The following PKNOX2 variants were observed in gnomAD, a reference collection of about 807,000 sequenced individuals.
The protein encoded by PKNOX2 is PBX/knotted 1 homeobox 2, also known as homeobox protein PKNOX2.
In PKNOX2, 14 loss-of-function variants were observed where a neutral mutation model predicts 53.1. The ratio of observed to expected loss-of-function variants is 0.26; its 90% CI spans 0.17 to 0.41. The LOEUF (loss-of-function observed/expected upper bound fraction) is 0.41. PKNOX2 is among the 10% of genes least tolerant of loss of function. PKNOX2 has a pLI of 1.00. For missense variants in PKNOX2, 496 were observed against 602.8 expected, an observed-to-expected ratio of 0.82 and a Z score of 1.85; for synonymous variants, 257 against 242.8, an observed-to-expected ratio of 1.06 and a Z score of -0.54.
intron 7 of PKNOX2, among the ~76,000 whole-genome samples, chr11:125,408,772 C>T (rs1955282903): frequency 6.6e-6 from 1 of 152,118 alleles, no homozygotes; most frequent in African/African-American, 2.4e-5. Flanking sequence ...TAACACTTTC[C>T]CTTCGTTGCT....
intron 1 of PKNOX2, among the ~76,000 whole-genome samples, chr11:125,194,756 T>A (rs1246397537): frequency 6.6e-6 from 1 of 152,218 alleles, no homozygotes; most frequent in Non-Finnish European, 1.5e-5. Flanking sequence ...AACAGACTCA[T>A]TCAACGCATT....
At chr11:125,167,441 C>G (rs994414462) in intron 1 of PKNOX2, among the ~76,000 whole-genome samples, 1 of 152,078 alleles carries the variant, frequency 6.6e-6, no homozygotes, top group Non-Finnish European at 1.5e-5. Context: ...AGCTCTCTCC[C>G]GCTGAGAGCC....
rs571338266 is a variant in PKNOX2, at chr11:125,215,031, G to A, written c.-200-20014G>A. On this transcript the variant is annotated intron_variant, in intron 1 of 12. Coordinates refer to ENST00000298282, the MANE Select transcript of PKNOX2 (RefSeq NM_001382323.2). The stretch of plus-strand genomic sequence containing the variant: ...AGAAATCTGTGGTGGGAGAGCGTCC[G>A]CGAAGGAAATAAAATCTCCATGAAA... Among the ~76,000 whole-genome samples the A allele has an allele frequency of 8.2e-4, 125 of 152,080 alleles. 1 individual carries two copies. The highest frequency in any genetic ancestry group is 5.2e-3 in the East Asian group (27 of 5,172).
chr11:125,351,442 G>A lies in PKNOX2; in HGVS notation c.87+50G>A, dbSNP rs1364141783. 1.1e-5 allele frequency: 14 copies of A among 1,221,090 alleles called. No homozygotes were observed. The Admixed American group carries it at 2.4e-4, about 21-fold the overall frequency. The allele number at this position is 1,221,090 out of a possible 1,614,324, so 75.6% of individuals were successfully genotyped here. A position where few individuals can be genotyped will look rare whatever the true frequency, so the allele number is the denominator to read the frequency against. ...CCCACCACGGGGGAGGGAGTGTGGT[G>A]GCCTTAGAGCCCCAGCTGCAGGCTG... On this transcript the variant is annotated intron_variant, in intron 4 of 12. Transcript: ENST00000298282.
intron 2 of PKNOX2, among the ~76,000 whole-genome samples, chr11:125,255,808 C>T (rs73619494): frequency 0.021 from 3,154 of 151,988 alleles, 97 homozygotes; most frequent in African/African-American, 0.071. Flanking sequence ...CCAGCACCAA[C>T]ACACCAGAGT....
At chr11:125,350,319 C>T (rs1423137627) in intron 3 of PKNOX2, among the ~76,000 whole-genome samples, 4 of 152,150 alleles carry the variant, frequency 2.6e-5, no homozygotes, top group Admixed American at 6.5e-5. Context: ...GGGGGCAGCT[C>T]GCCTGCTTAT....
intron 2 of PKNOX2, among the ~76,000 whole-genome samples, chr11:125,324,507 C>T (rs1049315041): frequency 6.6e-6 from 1 of 152,056 alleles, no homozygotes; most frequent in African/African-American, 2.4e-5. Context: ...GCTTGAGATT[C>T]CATTTAGGAT....
At chr11:125,359,798 A>G (rs2136238519) in intron 4 of PKNOX2, among the ~76,000 whole-genome samples, 1 of 152,258 alleles carries the variant, frequency 6.6e-6, no homozygotes, top group South Asian at 2.1e-4. Flanking sequence ...TTGGCAGCCT[A>G]AGGGGGCCCT....
At chr11:125,196,428 C>T (rs1937697488) in intron 1 of PKNOX2, among the ~76,000 whole-genome samples, 2 of 152,170 alleles carry the variant, frequency 1.3e-5, no homozygotes, top group African/African-American at 4.8e-5. Flanking sequence ...ACTTTCTGTC[C>T]CCATACACCA....
At chr11:125,170,963 G>T (rs1282329243) in intron 1 of PKNOX2, among the ~76,000 whole-genome samples, 1 of 151,808 alleles carries the variant, frequency 6.6e-6, no homozygotes, top group Non-Finnish European at 1.5e-5. Context: ...GGTGCCCAGT[G>T]GGGGAGGGGG....
At chr11:125,215,295 G>T (rs943930136) in intron 1 of PKNOX2, among the ~76,000 whole-genome samples, 5 of 152,074 alleles carry the variant, frequency 3.3e-5, no homozygotes, top group African/African-American at 1.2e-4. Flanking sequence ...CATGGAGAGG[G>T]CTCAGGACTG....
At chr11:125,321,811 T>C (rs1309902659) in intron 2 of PKNOX2, among the ~76,000 whole-genome samples, 2 of 152,254 alleles carry the variant, frequency 1.3e-5, no homozygotes, top group Non-Finnish European at 1.5e-5. Flanking sequence ...CTGGAATTTA[T>C]TTCTCACAGT....
At chr11:125,356,824 A>G (rs1951645237) in intron 4 of PKNOX2, among the ~76,000 whole-genome samples, 1 of 152,198 alleles carries the variant, frequency 6.6e-6, no homozygotes, top group African/African-American at 2.4e-5. Flanking sequence ...AACTGGAGGC[A>G]AAAGGGGGTG....
At chr11:125,411,127 A>G in intron 9 of PKNOX2, 1 of 439,552 alleles carries the variant, frequency 2.3e-6, no homozygotes, top group East Asian at 4.2e-5. Context: ...CTGCAGACTG[A>G]GCCGCTGTGT....
At chr11:125,342,119 A>G (rs1405970547) in intron 3 of PKNOX2, among the ~76,000 whole-genome samples, 2 of 151,624 alleles carry the variant, frequency 1.3e-5, no homozygotes, top group Non-Finnish European at 2.9e-5. Context: ...TTTCAATGAT[A>G]AATTGAATGC....
chr11:125,183,372 G>A lies in PKNOX2; in HGVS notation c.-201+18596G>A, dbSNP rs1195362528. Among the ~76,000 whole-genome samples, 3 of 78,714 alleles carry A rather than the reference G, an allele frequency of 3.8e-5. 1 individual carries two copies. The highest frequency in any genetic ancestry group is 7.2e-4 in the South Asian group (2 of 2,772). The allele number at this position is 78,714 out of a possible 152,430, so 51.6% of individuals were successfully genotyped here. A position where few individuals can be genotyped will look rare whatever the true frequency, so the allele number is the denominator to read the frequency against. On this transcript the variant is annotated intron_variant, in intron 1 of 12. Transcript: ENST00000298282. ...GCTGGGACTACAGGCGCCCGCCACCGCGCCCGGCTAATTTTTTGTATTTTT... is the reference window on the plus strand; with the variant it reads ...GCTGGGACTACAGGCGCCCGCCACCACGCCCGGCTAATTTTTTGTATTTTT...
intron 2 of PKNOX2, among the ~76,000 whole-genome samples, chr11:125,273,834 C>A (rs975041573): frequency 3.3e-5 from 5 of 152,156 alleles, no homozygotes; most frequent in African/African-American, 1.2e-4. Flanking sequence ...CCGTAACTGA[C>A]AAAGACTTGG....
chr11:125,347,698 A>T (rs796769294), intron 3 of PKNOX2, among the ~76,000 whole-genome samples: 78 of 152,182 alleles, frequency 5.1e-4, no homozygotes, highest in African/African-American at 1.9e-3. Flanking sequence ...GTTTCTTCTG[A>T]TGATATCAGA....
At chr11:125,179,195 A>G (rs1280985036) in intron 1 of PKNOX2, among the ~76,000 whole-genome samples, 1 of 152,074 alleles carries the variant, frequency 6.6e-6, no homozygotes, top group East Asian at 1.9e-4. Context: ...GCCCAGCATT[A>G]TCTTGGTGCC....
Sources: gnomAD v4.1 joint callset for allele counts (sites outside exome capture counted in the v4.1 genomes callset) on GRCh38, gnomAD v4.1.1 for gene constraint, MANE v1.5 for transcripts, NCBI Gene and HGNC (gene_info 2026-07-23, HGNC 2026-07-21) for gene names.